The following BTNL9 variants were observed in gnomAD, a reference collection of about 807,000 sequenced individuals.
BTNL9 encodes butyrophilin-like protein 9.
In BTNL9, 45 loss-of-function variants were observed where a neutral mutation model predicts 45.8. The ratio of observed to expected loss-of-function variants is 0.98; its 90% CI spans 0.77 to 1.26. The LOEUF is 1.26. Among genes scored for constraint, BTNL9 ranks in the 50% most tolerant of loss-of-function variants. BTNL9 has a pLI of 0.00. For missense variants in BTNL9, 784 were observed against 729.7 expected, an observed-to-expected ratio of 1.07 and a Z score of -0.86; for synonymous variants, 346 against 330.8, an observed-to-expected ratio of 1.05 and a Z score of -0.50.
chr5:181,049,106 A>G (rs1266684022), intron 3 of BTNL9, among the ~76,000 whole-genome samples: 1 of 151,664 alleles, frequency 6.6e-6, no homozygotes, highest in Non-Finnish European at 1.5e-5. Context: ...GTCTTATACT[A>G]TGTTAGTGGA....
Position 181,059,907 on chromosome 5 carries a change from T to G in BTNL9, c.*45T>G. ...GACTGGCCCCGGGGGGCCCCCTGGA[T>G]CCCAGGCCAGCGCTTTGCTCTCCTG... On this transcript the variant is annotated 3_prime_UTR_variant, in exon 11 of 11. Coordinates refer to ENST00000327705, the MANE Select transcript of BTNL9 (RefSeq NM_152547.5). 1 of 1,460,878 alleles carries G rather than the reference T, an allele frequency of 6.8e-7. No homozygotes were observed. Among genetic ancestry groups the G allele is most frequent in the Non-Finnish European group, 9.1e-7 (1 of 1,100,088 alleles). The allele number at this position is 1,460,878 out of a possible 1,614,324, so 90.5% of individuals were successfully genotyped here. A position where few individuals can be genotyped will look rare whatever the true frequency, so the allele number is the denominator to read the frequency against.
At position 181,053,219 on chromosome 5, in the gene BTNL9, C is replaced by G; in HGVS notation, c.756C>G (p.Ala252=). ...TTCCAGACGTGTTCGTACCCGGAGCCTCTGCGTGGAAGAGCGCGTTCGTCG... is the reference window on the plus strand; with the variant it reads ...TTCCAGACGTGTTCGTACCCGGAGCGTCTGCGTGGAAGAGCGCGTTCGTCG... ...VQIADVFVPG[A]SAWKSAFVAT... Residue 252 remains alanine (A), a synonymous_variant, in exon 5 of 11, where the codon GCC becomes GCG. Transcript: ENST00000327705. The surrounding 1 kb of genome is among the most constrained non-coding windows in gnomAD (Gnocchi z 6.5). 6 of 1,587,936 alleles carry G rather than the reference C, an allele frequency of 3.8e-6. No homozygotes were observed. Among genetic ancestry groups the G allele is most frequent in the Non-Finnish European group, 5.1e-6 (6 of 1,168,054 alleles).
At chr5:181,056,541 GCTT>G in intron 9 of BTNL9, 1 of 717,562 alleles carries the variant, frequency 1.4e-6, no homozygotes, top group Non-Finnish European at 2.6e-6. Context: ...ACTGCAGAGT[GCTT>G]CGTTTTAGCC....
At chr5:181,051,772 AC>A (rs1243294086) in intron 4 of BTNL9, among the ~76,000 whole-genome samples, 10 of 152,290 alleles carry the variant, frequency 6.6e-5, no homozygotes, top group African/African-American at 2.4e-4. Flanking sequence ...CTCTTTTTGC[AC>A]CAGGAAAAAC....
Position 181,059,540 on chromosome 5 carries a change from A to C in BTNL9, c.1286A>C (p.Glu429Ala). 1 of 1,608,702 alleles carries C rather than the reference A, an allele frequency of 6.2e-7. No homozygotes were observed. The highest frequency in any genetic ancestry group is 8.5e-7 in the Non-Finnish European group (1 of 1,179,014). The change falls in exon 11 of 11, where the codon GAG becomes GCG. Residue 429 changes from glutamate (E) to alanine (A), a missense_variant. Physicochemically the swap from Glu to Ala is moderately radical, Grantham distance 107. Transcript: ENST00000327705. ...YWVLGLWNGC[E>A]YFVLAPHRVA... ...GTGCTGGGGCTGTGGAACGGCTGCGAGTACTTCGTCCTGGCCCCGCACCGC... is the reference window on the plus strand; with the variant it reads ...GTGCTGGGGCTGTGGAACGGCTGCGCGTACTTCGTCCTGGCCCCGCACCGC...
intron 4 of BTNL9, among the ~76,000 whole-genome samples, chr5:181,051,613 T>C (rs1385275953): frequency 6.6e-6 from 1 of 152,180 alleles, no homozygotes. Context: ...TAAACTCCCA[T>C]GAGACAGGGA....
At chr5:181,040,587 AGAG>A (rs1266119241) in intron 1 of BTNL9, among the ~76,000 whole-genome samples, 155 bp downstream of exon 1, 1 of 152,234 alleles carries the variant, frequency 6.6e-6, no homozygotes, top group Non-Finnish European at 1.5e-5. Flanking sequence ...AGTGTGGCCA[AGAG>A]GAGATGTCCA....
intron 1 of BTNL9, among the ~76,000 whole-genome samples, chr5:181,041,322 G>A (rs543539368): frequency 6.6e-6 from 1 of 152,346 alleles, no homozygotes; most frequent in South Asian, 2.1e-4. Flanking sequence ...TTGTCAGGAA[G>A]ATAGTGTTAA....
chr5:181,044,477 G>A (rs1283398680), intron 1 of BTNL9, among the ~76,000 whole-genome samples: 2 of 152,204 alleles, frequency 1.3e-5, no homozygotes, highest in Admixed American at 6.5e-5. Flanking sequence ...GTGCGTGGGC[G>A]TTGGGAAGGC....
intron 2 of BTNL9, among the ~76,000 whole-genome samples, chr5:181,047,133 C>G (rs1252907300): frequency 6.6e-6 from 1 of 152,070 alleles, no homozygotes; most frequent in East Asian, 1.9e-4. Flanking sequence ...AGTACAGAGG[C>G]CAGAGAGAAG....
chr5:181,047,236 C>A (rs1173037014), intron 2 of BTNL9, among the ~76,000 whole-genome samples: 2 of 152,088 alleles, frequency 1.3e-5, no homozygotes, highest in East Asian at 3.9e-4. Context: ...ACAGACCAGA[C>A]CACAGGGAGC....
rs1222562871 is a variant in BTNL9 at position 181,053,445 on chromosome 5, C to T, written c.854-24C>T. ...AAGGGGCGGGGGCGCGCACTCAGCC[C>T]TCTCCGCTCCCGTTTCCCTTCAGAA... On this transcript the variant is annotated intron_variant, in intron 5 of 10. Coordinates refer to ENST00000327705, the MANE Select transcript of BTNL9 (RefSeq NM_152547.5). This position sits in a 1 kb window ranked among gnomAD's most constrained non-coding sequence, Gnocchi z 6.5. 5.1e-6 allele frequency: 8 copies of T among 1,559,016 alleles called. No individual in the cohort carries two copies. The highest frequency in any genetic ancestry group is 1.4e-5 in the African/African-American group (1 of 73,668).
intron 10 of BTNL9, 42 bp from the exon 11 acceptor site, chr5:181,059,195 C>T (rs750686911): frequency 1.4e-6 from 2 of 1,473,888 alleles, no homozygotes; most frequent in East Asian, 2.8e-5. Context: ...GGACGGGGCC[C>T]AGACCGTCCC....
rs1760803718 is a variant in BTNL9 at position 181,042,129 on chromosome 5, AAGG to A, written c.-24+1700_-24+1702del. Among the ~76,000 whole-genome samples the A allele has an allele frequency of 6.6e-6, 1 of 152,174 alleles. No individual in the cohort carries two copies. Among genetic ancestry groups the A allele is most frequent in the African/African-American group, 2.4e-5 (1 of 41,436 alleles). ...AAGAAGAAAAGAAAAATAAAAAGAG[AAGG>A]AGAAGAAAGAAATGGGCTTTTGCTG... is the stretch of plus-strand genomic sequence containing the variant. On this transcript the variant is annotated intron_variant, in intron 1 of 10. Transcript: ENST00000327705. The surrounding 1 kb of genome is among the most constrained non-coding windows in gnomAD (Gnocchi z 4.5).
At position 181,055,840 on chromosome 5, in the gene BTNL9, C is replaced by T; in HGVS notation, c.929-149C>T. The stretch of plus-strand genomic sequence containing the variant: ...TTCCCCATATATCTTCTTCTCATCT[C>T]CCAACCAGGTATGATGCCCAGGCAG... On this transcript the variant is annotated intron_variant, in intron 8 of 10. Transcript: ENST00000327705. The surrounding 1 kb of genome is among the most constrained non-coding windows in gnomAD (Gnocchi z 4.4). The T allele has an allele frequency of 1.1e-6, 1 of 870,800 alleles. No individual in the cohort carries two copies. 53.9% of individuals were successfully genotyped at this position (870,800 alleles called of 1,614,324 possible). A position where few individuals can be genotyped will look rare whatever the true frequency, so the allele number is the denominator to read the frequency against.
chr5:181,055,168 C>T lies in BTNL9; in HGVS notation c.908-265C>T. 7.8e-7 allele frequency: 1 copy of T among 1,288,792 alleles called. No individual in the cohort carries two copies. Among genetic ancestry groups the T allele is most frequent in the Non-Finnish European group, 9.8e-7 (1 of 1,016,418 alleles). The allele number at this position is 1,288,792 out of a possible 1,614,324, so 79.8% of individuals were successfully genotyped here. A position where few individuals can be genotyped will look rare whatever the true frequency, so the allele number is the denominator to read the frequency against. On this transcript the variant is annotated intron_variant, in intron 7 of 10. Transcript: ENST00000327705. This position sits in a 1 kb window ranked among gnomAD's most constrained non-coding sequence, Gnocchi z 4.4. ...GAACAACCCCAACCCTGGGAAGAGG[C>T]CTGTCAGTACTAAGATCTGGTATCC...
chr5:181,043,276 G>C (rs1021447634), intron 1 of BTNL9: 3 of 150,308 alleles, frequency 2.0e-5, no homozygotes, highest in African/African-American at 7.5e-5. Flanking sequence ...CTGTGTGTGT[G>C]TGCATGTGTG....
intron 2 of BTNL9, chr5:181,047,509 C>T (rs1381927917): frequency 6.0e-6 from 6 of 992,216 alleles, no homozygotes; most frequent in Non-Finnish European, 7.2e-6. Flanking sequence ...TTGATGTCTC[C>T]TTTCAGGTAT....
intron 10 of BTNL9, among the ~76,000 whole-genome samples, chr5:181,058,717 T>C (rs1365672033): frequency 6.6e-6 from 1 of 151,730 alleles, no homozygotes; most frequent in Non-Finnish European, 1.5e-5. Flanking sequence ...TTCCCATCTG[T>C]CAGATGGCAT....
Sources: allele counts gnomAD v4.1 joint callset (sites outside exome capture counted in the v4.1 genomes callset), GRCh38; gene constraint gnomAD v4.1.1; non-coding constraint Gnocchi (gnomAD v3.1); transcripts MANE v1.5; gene names NCBI Gene and HGNC (gene_info 2026-07-23, HGNC 2026-07-21).